ANK2: variants seen among roughly 807,000 people sequenced by gnomAD.
The protein encoded by ANK2 is ankyrin 2.
A neutral mutation model predicts 360.5 loss-of-function variants in ANK2; 83 were observed. That is an observed-to-expected ratio of 0.23 (90% confidence interval 0.19 to 0.28). The LOEUF (loss-of-function observed/expected upper bound fraction) is 0.28. Ranked by LOEUF, ANK2 falls within the 10% of genes least tolerant of loss-of-function variation. ANK2 has a pLI of 1.00. For missense variants in ANK2, 4,201 were observed against 4,795.7 expected, an observed-to-expected ratio of 0.88 and a Z score of 3.66; for synonymous variants, 1,740 against 1,759.5, an observed-to-expected ratio of 0.99 and a Z score of 0.28.
At chr4:113,190,285 A>G (rs1039638405) in intron 2 of ANK2, among the ~76,000 whole-genome samples, 15 of 151,994 alleles carry the variant, frequency 9.9e-5, no homozygotes, top group Middle Eastern at 3.4e-3. Context: ...TTTAGTTTTC[A>G]TTTTTTGTAG....
At chr4:112,854,842 A>G (rs2065943345) in intron 1 of ANK2, among the ~76,000 whole-genome samples, 1 of 152,070 alleles carries the variant, frequency 6.6e-6, no homozygotes, top group African/African-American at 2.4e-5. Context: ...TGTTCCAGAG[A>G]GAGAGCTCAG....
At chr4:112,826,683 C>A in intron 1 of ANK2, 1 of 912,170 alleles carries the variant, frequency 1.1e-6, no homozygotes, top group Non-Finnish European at 1.7e-6. Context: ...ATTGACCATT[C>A]AGAAATCTGG....
intron 2 of ANK2, among the ~76,000 whole-genome samples, chr4:112,934,870 G>A (rs538873725): frequency 6.6e-6 from 1 of 152,332 alleles, no homozygotes; most frequent in Non-Finnish European, 1.5e-5. Context: ...AGGAAGGGCA[G>A]AGGAGGGGAT....
chr4:112,904,567 G>A, intron 2 of ANK2: 1 of 1,330,730 alleles, frequency 7.5e-7, no homozygotes, highest in African/African-American at 1.5e-5. Context: ...AAAAGACACG[G>A]AGGTTAGAAT....
At chr4:112,913,815 C>T (rs2088655223) in intron 2 of ANK2, among the ~76,000 whole-genome samples, 1 of 152,080 alleles carries the variant, frequency 6.6e-6, no homozygotes, top group African/African-American at 2.4e-5. Context: ...AGATCCAAAC[C>T]TTATAAAAAT....
At chr4:112,981,292 TGGTA>T (rs2043044290) in intron 2 of ANK2, among the ~76,000 whole-genome samples, 1 of 152,220 alleles carries the variant, frequency 6.6e-6, no homozygotes, top group Admixed American at 6.5e-5. Context: ...GTGTTTGAAT[TGGTA>T]GGCAATGGCA....
chr4:113,122,924 A>G (rs1229939591), intron 1 of ANK2, among the ~76,000 whole-genome samples: 1 of 150,820 alleles, frequency 6.6e-6, no homozygotes, highest in Non-Finnish European at 1.5e-5. Flanking sequence ...ATAAATTTAT[A>G]TATTTATTAA....
chr4:112,747,501 T>C, the ANK2 span, among the ~76,000 whole-genome samples: 3 of 152,162 alleles, frequency 2.0e-5, no homozygotes, highest in African/African-American at 7.2e-5. Flanking sequence ...TTGTTGGGAG[T>C]AGGGGGTGGA....
intron 1 of ANK2, among the ~76,000 whole-genome samples, chr4:113,070,404 AC>A (rs936490994): frequency 1.3e-5 from 2 of 152,182 alleles, no homozygotes; most frequent in East Asian, 3.9e-4. Flanking sequence ...TGATTTTCTA[AC>A]CAAAAATTAC....
chr4:112,827,615 A>G, intron 1 of ANK2: 1 of 880,720 alleles, frequency 1.1e-6, no homozygotes, highest in South Asian at 1.4e-5. Flanking sequence ...GGACCACTCT[A>G]CTCTCCATCC....
At chr4:113,138,798 G>T (rs2096537659) in intron 1 of ANK2, among the ~76,000 whole-genome samples, 1 of 152,080 alleles carries the variant, frequency 6.6e-6, no homozygotes. Context: ...GTTTATGAAG[G>T]GTTGTTATTT....
At chr4:112,925,651 A>G (rs1581262035) in intron 2 of ANK2, among the ~76,000 whole-genome samples, 1 of 152,252 alleles carries the variant, frequency 6.6e-6, no homozygotes, top group South Asian at 2.1e-4. Flanking sequence ...ATCAAAAGGT[A>G]TAAGTATACT....
chr4:112,955,395 A>G (rs1484522014), intron 2 of ANK2, among the ~76,000 whole-genome samples: 3 of 152,192 alleles, frequency 2.0e-5, no homozygotes, highest in Admixed American at 6.5e-5. Flanking sequence ...TGAAAAGACT[A>G]GAACTTTTGA....
intron 4 of ANK2, among the ~76,000 whole-genome samples, chr4:113,213,880 T>G (rs1007964617): frequency 2.6e-5 from 4 of 151,966 alleles, no homozygotes; most frequent in African/African-American, 9.7e-5. Context: ...AATCAATCCC[T>G]AGCCAGTGCA....
At chr4:112,810,326 A>G in the ANK2 span, among the ~76,000 whole-genome samples, 1 of 151,600 alleles carries the variant, frequency 6.6e-6, no homozygotes, top group Non-Finnish European at 1.5e-5. Flanking sequence ...TTCTTAACTG[A>G]GCACAATACT....
chr4:112,800,367 G>A, the ANK2 span, among the ~76,000 whole-genome samples: 1 of 152,058 alleles, frequency 6.6e-6, no homozygotes, highest in African/African-American at 2.4e-5. Flanking sequence ...ATATATACTA[G>A]TATAGTGAGA....
chr4:113,205,192 C>G (rs953520323), intron 4 of ANK2, among the ~76,000 whole-genome samples: 1 of 140,832 alleles, frequency 7.1e-6, no homozygotes, highest in African/African-American at 2.8e-5. Flanking sequence ...GCCGACATCA[C>G]GCCACTGCAC....
intron 11 of ANK2, 149 bp downstream of exon 11, chr4:113,256,081 A>G: frequency 2.1e-6 from 2 of 956,258 alleles, no homozygotes; most frequent in Non-Finnish European, 3.2e-6. Flanking sequence ...CAGCCTGTGT[A>G]CTTCATACAT....
intron 1 of ANK2, among the ~76,000 whole-genome samples, chr4:112,823,329 G>A (rs1199003940): frequency 9.2e-5 from 14 of 152,146 alleles, no homozygotes; most frequent in Admixed American, 9.2e-4. Flanking sequence ...AAGAATAATT[G>A]GGACACTGTT....
Sources: gnomAD v4.1 joint callset for allele counts (sites outside exome capture counted in the v4.1 genomes callset) on GRCh38, gnomAD v4.1.1 for gene constraint, MANE v1.5 for transcripts, NCBI Gene and HGNC (gene_info 2026-07-23, HGNC 2026-07-21) for gene names.